The following ZBTB20 variants were observed in gnomAD, a reference collection of about 807,000 sequenced individuals.
ZBTB20 encodes the protein zinc finger and BTB domain containing 20, also known as zinc finger and BTB domain-containing protein 20.
A neutral mutation model predicts 56.9 loss-of-function variants in ZBTB20; 9 were observed. The observed-to-expected ratio is 0.16, with a 90% CI of 0.10 to 0.28. The LOEUF (loss-of-function observed/expected upper bound fraction) is 0.28. ZBTB20 is among the 10% of genes least tolerant of loss of function. The probability of loss-of-function intolerance (pLI) is 1.00; values close to 1 mark genes in which losing one functional copy is unlikely to be tolerated. For synonymous variants in ZBTB20, 417 were observed against 420.7 expected (o/e 0.99, Z 0.11); for missense variants, 655 against 1,003.0 (o/e 0.65, Z 4.69).
chr3:114,436,757 T>C (rs914384826), intron 7 of ZBTB20, among the ~76,000 whole-genome samples: 4 of 152,138 alleles, frequency 2.6e-5, no homozygotes, highest in Non-Finnish European at 4.4e-5. Context: ...ACATGTGTGA[T>C]TACAGCAAAG....
intron 10 of ZBTB20, among the ~76,000 whole-genome samples, chr3:114,362,312 T>G (rs570633165): frequency 3.3e-5 from 5 of 152,318 alleles, no homozygotes; most frequent in African/African-American, 1.2e-4. Context: ...TGTCTTGTTA[T>G]AACCACAACT....
chr3:114,505,559 T>A (rs1577153540), intron 6 of ZBTB20, among the ~76,000 whole-genome samples: 1 of 152,136 alleles, frequency 6.6e-6, no homozygotes, highest in Admixed American at 6.6e-5. Flanking sequence ...TTAATTAATA[T>A]TTCCAATCTT....
intron 2 of ZBTB20, among the ~76,000 whole-genome samples, chr3:114,996,176 G>T (rs2079017068): frequency 6.6e-6 from 1 of 151,784 alleles, no homozygotes; most frequent in Non-Finnish European, 1.5e-5. Flanking sequence ...AGAAAAACAT[G>T]TAGAATGGTG....
intron 7 of ZBTB20, among the ~76,000 whole-genome samples, chr3:114,444,408 A>G (rs973611679): frequency 6.6e-6 from 1 of 152,134 alleles, no homozygotes; most frequent in Non-Finnish European, 1.5e-5. Flanking sequence ...CTCATCACAC[A>G]TATTTGTCCC....
intron 4 of ZBTB20, among the ~76,000 whole-genome samples, chr3:114,855,724 A>C (rs1440357232): frequency 1.3e-5 from 2 of 152,156 alleles, no homozygotes; most frequent in African/African-American, 4.8e-5. Flanking sequence ...TAGGAGAGGA[A>C]GATACACTGC....
chr3:114,484,787 C>T (rs192941233), intron 7 of ZBTB20, among the ~76,000 whole-genome samples: 3 of 138,568 alleles, frequency 2.2e-5, no homozygotes, highest in Non-Finnish European at 4.6e-5. Context: ...GAGAAAAGCT[C>T]ATATCAATAG....
intron 7 of ZBTB20, among the ~76,000 whole-genome samples, chr3:114,448,202 T>C (rs1195151680): frequency 1.3e-5 from 2 of 152,038 alleles, no homozygotes; most frequent in Non-Finnish European, 2.9e-5. Context: ...GTTGTGGCAT[T>C]GGGAATTTGC....
At chr3:114,388,090 T>A (rs1388372086) in intron 8 of ZBTB20, 1 of 152,218 alleles carries the variant, frequency 6.6e-6, no homozygotes, top group African/African-American at 2.4e-5. Context: ...GATGTTAGTC[T>A]CCCAGGTTTA....
chr3:115,007,141 T>C (rs9857906), intron 2 of ZBTB20, among the ~76,000 whole-genome samples: 11,702 of 151,852 alleles, frequency 0.077, 1,344 homozygotes, highest in East Asian at 0.59. Context: ...AATTACATTA[T>C]AGTCAGTATG....
intron 6 of ZBTB20, among the ~76,000 whole-genome samples, chr3:114,583,752 G>A (rs2107505147): frequency 6.6e-6 from 1 of 152,314 alleles, no homozygotes; most frequent in South Asian, 2.1e-4. Context: ...TCCTTAGTTG[G>A]TGTAACCAAT....
intron 3 of ZBTB20, among the ~76,000 whole-genome samples, chr3:114,925,579 T>G (rs1017003039): frequency 6.6e-6 from 1 of 152,172 alleles, no homozygotes; most frequent in Non-Finnish European, 1.5e-5. Context: ...CAGGCTGGAG[T>G]GCAGTGGCAC....
At chr3:114,432,599 T>C (rs924055059) in intron 7 of ZBTB20, among the ~76,000 whole-genome samples, 4 of 152,164 alleles carry the variant, frequency 2.6e-5, no homozygotes, top group Admixed American at 2.6e-4. Flanking sequence ...TTTGGAACCT[T>C]TCTGAGGGGG....
At chr3:114,832,173 G>C (rs2073883855) in intron 4 of ZBTB20, among the ~76,000 whole-genome samples, 1 of 152,030 alleles carries the variant, frequency 6.6e-6, no homozygotes, top group Non-Finnish European at 1.5e-5. Context: ...CCTGTCCTCT[G>C]CCTGCAACAC....
At chr3:114,553,107 G>C (rs1052566690) in intron 6 of ZBTB20, among the ~76,000 whole-genome samples, 1 of 152,084 alleles carries the variant, frequency 6.6e-6, no homozygotes, top group African/African-American at 2.4e-5. Flanking sequence ...ATGTTTAACT[G>C]GGCTTTTAGA....
chr3:114,981,459 A>G (rs1054434627), intron 2 of ZBTB20, among the ~76,000 whole-genome samples: 4 of 152,102 alleles, frequency 2.6e-5, no homozygotes, highest in African/African-American at 9.7e-5. Context: ...AAATCATTCC[A>G]CATTTTAGAA....
At chr3:115,085,986 CA>C (rs1346714539) in intron 1 of ZBTB20, among the ~76,000 whole-genome samples, 1 of 151,842 alleles carries the variant, frequency 6.6e-6, no homozygotes, top group African/African-American at 2.4e-5. Flanking sequence ...GAAAAATGTA[CA>C]AAAACGGGCG....
intron 4 of ZBTB20, among the ~76,000 whole-genome samples, chr3:114,859,805 A>C (rs537244015): frequency 5.9e-5 from 9 of 152,276 alleles, no homozygotes; most frequent in African/African-American, 2.2e-4. Context: ...GCAAAGGTTC[A>C]AACTGCACTT....
chr3:115,012,377 T>C (rs955154973), intron 2 of ZBTB20, among the ~76,000 whole-genome samples: 6 of 151,746 alleles, frequency 4.0e-5, no homozygotes, highest in Admixed American at 6.6e-5. Context: ...TGGGAAAAGA[T>C]ATTCCATGCC....
At chr3:114,915,777 A>T (rs2075719892) in intron 3 of ZBTB20, among the ~76,000 whole-genome samples, 1 of 151,930 alleles carries the variant, frequency 6.6e-6, no homozygotes, top group African/African-American at 2.4e-5. Context: ...CATTTATTTC[A>T]AAAAACTTTT....
Sources: gnomAD v4.1 joint callset for allele counts (sites outside exome capture counted in the v4.1 genomes callset) on GRCh38, gnomAD v4.1.1 for gene constraint, MANE v1.5 for transcripts, NCBI Gene and HGNC (gene_info 2026-07-23, HGNC 2026-07-21) for gene names.